Variants in KHDRBS3 observed in about 807,000 individuals in gnomAD.
The protein encoded by KHDRBS3 is KH RNA binding domain containing, signal transduction associated 3, also known as KH domain-containing, RNA-binding, signal transduction-associated protein 3.
In KHDRBS3, 23 loss-of-function variants were observed where a neutral mutation model predicts 45.6. The observed-to-expected ratio is 0.50, with a 90% confidence interval of 0.36 to 0.72. KHDRBS3 has a LOEUF of 0.72. Among genes scored for constraint, KHDRBS3 ranks in the 30% least tolerant of loss-of-function variants. KHDRBS3 has a pLI of 0.00. For missense variants in KHDRBS3, 352 were observed against 424.8 expected, an observed-to-expected ratio of 0.83 and a Z score of 1.51; for synonymous variants, 162 against 156.5, an observed-to-expected ratio of 1.04 and a Z score of -0.26.
chr8:135,646,984 T>C lies in KHDRBS3; in HGVS notation c.950-9T>C, dbSNP rs1831317222. ...GTGATCTAATTGTGATTCATCTTAC[T>C]GATTGTAGGGCAAGAAGAGTGGACT... On this transcript the variant is annotated splice_polypyrimidine_tract_variant and intron_variant, in intron 8 of 8. Coordinates refer to ENST00000355849, the MANE Select transcript of KHDRBS3 (RefSeq NM_006558.3). The C allele has an allele frequency of 1.3e-6, 2 of 1,497,876 alleles. No individual in the cohort carries two copies. Among genetic ancestry groups the C allele is most frequent in the Non-Finnish European group, 1.9e-6 (2 of 1,073,878 alleles). The allele number at this position is 1,497,876 out of a possible 1,614,324, so 92.8% of individuals were successfully genotyped here.
intron 7 of KHDRBS3, among the ~76,000 whole-genome samples, chr8:135,642,081 TC>T (rs1276981494): frequency 6.6e-6 from 1 of 152,180 alleles, no homozygotes; most frequent in Non-Finnish European, 1.5e-5. Flanking sequence ...GCAGCATGTT[TC>T]ATGTGGGCCC....
At chr8:135,643,083 G>T (rs370633241) in intron 7 of KHDRBS3, among the ~76,000 whole-genome samples, 38 of 152,150 alleles carry the variant, frequency 2.5e-4, no homozygotes, top group Middle Eastern at 3.4e-3. Flanking sequence ...ATGAGCCACC[G>T]CGCCTGGCCT....
intron 7 of KHDRBS3, among the ~76,000 whole-genome samples, chr8:135,627,629 AC>A (rs1438738915): frequency 1.3e-5 from 2 of 152,220 alleles, no homozygotes; most frequent in African/African-American, 2.4e-5. Flanking sequence ...TAATGTACAT[AC>A]AGCAAAGAGC....
intron 7 of KHDRBS3, among the ~76,000 whole-genome samples, chr8:135,623,852 C>G (rs764419495): frequency 1.1e-4 from 16 of 152,126 alleles, no homozygotes; most frequent in Admixed American, 2.6e-4. Flanking sequence ...TACTTGCTTT[C>G]TACACACATT....
At chr8:135,477,443 C>A (rs1822348469) in intron 1 of KHDRBS3, among the ~76,000 whole-genome samples, 1 of 152,084 alleles carries the variant, frequency 6.6e-6, no homozygotes, top group Non-Finnish European at 1.5e-5. Context: ...CTAAAAGTTT[C>A]TGACATAATA....
chr8:135,591,943 T>G (rs1289614561), intron 6 of KHDRBS3, among the ~76,000 whole-genome samples: 1 of 152,228 alleles, frequency 6.6e-6, no homozygotes, highest in Non-Finnish European at 1.5e-5. Flanking sequence ...GTGAGAAATT[T>G]AATTAAAACA....
intron 3 of KHDRBS3, among the ~76,000 whole-genome samples, chr8:135,547,853 G>C (rs1826388482): frequency 6.6e-6 from 1 of 152,164 alleles, no homozygotes; most frequent in African/African-American, 2.4e-5. Flanking sequence ...GGAAGACCCA[G>C]ATTCTGAAAT....
Position 135,645,136 on chromosome 8 carries a change from C to T in KHDRBS3, c.949+19C>T. ...TCCTACGGTGAGTGACTGGCCAGAG[C>T]ATGTGAAGAGAGGGAGGAGAGATGG... On this transcript the variant is annotated intron_variant, in intron 8 of 8. Coordinates refer to ENST00000355849, the MANE Select transcript of KHDRBS3 (RefSeq NM_006558.3). 3 of 1,612,482 alleles carry T rather than the reference C, an allele frequency of 1.9e-6. No homozygotes were observed. The highest frequency in any genetic ancestry group is 2.5e-6 in the Non-Finnish European group (3 of 1,179,170).
chr8:135,626,892 G>T (rs564354268), intron 7 of KHDRBS3, among the ~76,000 whole-genome samples: 2 of 151,290 alleles, frequency 1.3e-5, no homozygotes, highest in African/African-American at 2.4e-5. Context: ...CTTTTTCTTG[G>T]AATCTAATAA....
At position 135,537,906 on chromosome 8, in the gene KHDRBS3, T is replaced by G. The variant is rs1046141229; in HGVS notation, c.208-4748T>G. On this transcript the variant is annotated intron_variant, in intron 2 of 8. Transcript: ENST00000355849. The stretch of plus-strand genomic sequence containing the variant: ...ATTTCTTACTGTCTTGCAGATATAG[T>G]TTTTAAAATAAAAAATCAGGACATG... 2.0e-5 allele frequency among the ~76,000 whole-genome samples: 3 copies of G among 152,338 alleles called. No homozygotes were observed. The East Asian group carries it at 5.8e-4, about 29-fold the overall frequency.
chr8:135,563,981 A>G (rs1180107133), intron 5 of KHDRBS3, among the ~76,000 whole-genome samples: 3 of 152,198 alleles, frequency 2.0e-5, no homozygotes, highest in Admixed American at 6.5e-5. Flanking sequence ...GTTCCCAGAT[A>G]TTGGTGCTTA....
chr8:135,500,051 C>T (rs1228088364), intron 1 of KHDRBS3, among the ~76,000 whole-genome samples: 1 of 152,100 alleles, frequency 6.6e-6, no homozygotes, highest in Non-Finnish European at 1.5e-5. Flanking sequence ...AATGGAAAAT[C>T]ATGTTTTCCT....
intron 7 of KHDRBS3, chr8:135,625,393 T>C: frequency 1.2e-6 from 1 of 806,296 alleles, no homozygotes; most frequent in South Asian, 1.4e-5. Flanking sequence ...CATTGAGTGC[T>C]GCATCAACTC....
intron 6 of KHDRBS3, among the ~76,000 whole-genome samples, chr8:135,594,559 TGA>T (rs1828890369): frequency 6.6e-6 from 1 of 152,226 alleles, no homozygotes; most frequent in African/African-American, 2.4e-5. Context: ...ACTTGATACC[TGA>T]CACATTAAAG....
chr8:135,608,565 G>C (rs914559370), intron 7 of KHDRBS3, among the ~76,000 whole-genome samples: 10 of 152,206 alleles, frequency 6.6e-5, no homozygotes, highest in Non-Finnish European at 1.5e-4. Flanking sequence ...TGATAAAATG[G>C]TAACAGGTGT....
intron 2 of KHDRBS3, among the ~76,000 whole-genome samples, chr8:135,533,189 C>T (rs917583229): frequency 6.6e-6 from 1 of 152,132 alleles, no homozygotes; most frequent in Non-Finnish European, 1.5e-5. Context: ...TTTAATTAAA[C>T]ATGTCCTCCA....
chr8:135,587,028 G>A (rs1180422369), intron 6 of KHDRBS3, among the ~76,000 whole-genome samples: 2 of 152,080 alleles, frequency 1.3e-5, no homozygotes, highest in Non-Finnish European at 1.5e-5. Flanking sequence ...TTTAGTCAAC[G>A]GTATCTGTTC....
At chr8:135,610,827 T>C (rs1371478532) in intron 7 of KHDRBS3, among the ~76,000 whole-genome samples, 1 of 151,576 alleles carries the variant, frequency 6.6e-6, no homozygotes, top group Non-Finnish European at 1.5e-5. Context: ...AGGGCTGAAA[T>C]ATGTGGCACA....
At chr8:135,522,576 G>A (rs1003180797) in intron 2 of KHDRBS3, among the ~76,000 whole-genome samples, 4 of 152,186 alleles carry the variant, frequency 2.6e-5, no homozygotes, top group Admixed American at 2.0e-4. Context: ...ATTTGGTGCT[G>A]TCAGCCTTTT....
Sources: gnomAD v4.1 joint callset for allele counts (sites outside exome capture counted in the v4.1 genomes callset) on GRCh38, gnomAD v4.1.1 for gene constraint, MANE v1.5 for transcripts, NCBI Gene and HGNC (gene_info 2026-07-23, HGNC 2026-07-21) for gene names.